Variants in NEB observed in about 807,000 individuals in gnomAD.
NEB encodes the protein nemaline myopathy type 2.
NEB carries 512 observed loss-of-function variants against 952.2 expected under a neutral mutation model. The ratio of observed to expected loss-of-function variants is 0.54; its 90% CI spans 0.50 to 0.58. NEB has a LOEUF of 0.58. NEB is among the 20% of genes least tolerant of loss of function. The pLI is 0.00. For synonymous variants in NEB, 2,900 were observed against 3,149.8 expected, an observed-to-expected ratio of 0.92 and a Z score of 2.66; for missense variants, 8,428 against 9,231.1, an observed-to-expected ratio of 0.91 and a Z score of 3.56.
At chr2:151,565,364 A>AC (rs1227383175) in intron 116 of NEB, 137 bp downstream of exon 116, 3 of 717,986 alleles carry the variant, frequency 4.2e-6, no homozygotes, top group Non-Finnish European at 7.3e-6. Flanking sequence ...TTTAAGACAT[A>AC]CCCCCCAAAG....
At chr2:151,699,897 G>C (rs1490889445) in intron 13 of NEB, among the ~76,000 whole-genome samples, 1 of 151,548 alleles carries the variant, frequency 6.6e-6, no homozygotes, top group African/African-American at 2.4e-5. Flanking sequence ...TTTGGCTTTT[G>C]TTGCCATTGC....
intron 107 of NEB, among the ~76,000 whole-genome samples, chr2:151,571,460 G>A (rs1273167271): frequency 2.0e-5 from 3 of 152,080 alleles, no homozygotes; most frequent in Non-Finnish European, 4.4e-5. Flanking sequence ...TTTCTTTAAT[G>A]CAATAATTCA....
chr2:151,666,719 G>GT (rs1463866506), intron 40 of NEB, among the ~76,000 whole-genome samples: 2 of 151,538 alleles, frequency 1.3e-5, no homozygotes, highest in Non-Finnish European at 2.9e-5. Context: ...TTGTTTTTTG[G>GT]TTTTTTTGTT....
At chr2:151,505,674 CAG>C (rs2068250237) in intron 164 of NEB, 104 bp from the exon 165 acceptor site, 4 of 948,782 alleles carry the variant, frequency 4.2e-6, no homozygotes, top group South Asian at 2.7e-5. Flanking sequence ...AAAAAATTAA[CAG>C]TGTAAATAAC....
rs763773151 is a variant in NEB, at chr2:151,733,097, CAG to C, written c.36+22_36+23del. 8 of 1,587,102 alleles carry C rather than the reference CAG, an allele frequency of 5.0e-6. No individual in the cohort carries two copies. In the African/African-American group the frequency reaches 1.1e-4, roughly 21 times the overall value. On this transcript the variant is annotated intron_variant, in intron 3 of 181. Coordinates refer to ENST00000397345, the MANE Select transcript of NEB (RefSeq NM_001164508.2). ...GTCACTACATAAAATAGTTTGCTGT[CAG>C]TGTTTTTTTTTTAAATCTTACCTCC...
intron 78 of NEB, 107 bp downstream of exon 78, chr2:151,612,079 G>A (rs2097997165): frequency 1.7e-6 from 2 of 1,197,112 alleles, no homozygotes; most frequent in South Asian, 2.8e-5. Context: ...ATGAGAATCA[G>A]GCCTATGACA....
chr2:151,623,378 C>T (rs993629764), intron 71 of NEB, among the ~76,000 whole-genome samples: 1 of 152,054 alleles, frequency 6.6e-6, no homozygotes, highest in African/African-American at 2.4e-5. Flanking sequence ...GTTCAGTGTA[C>T]TTTTCATTGC....
At position 151,727,639 on chromosome 2, in the gene NEB, A is replaced by C. The variant is rs4664499; in HGVS notation, c.294+52T>G. On this transcript the variant is annotated intron_variant, in intron 5 of 181. Transcript: ENST00000397345. ...CATCCAAAACAGAGTGAGTTGAGAT[A>C]AGTAATTTCTTAATAATCAAGCCAG... is the stretch of plus-strand genomic sequence containing the variant. The C allele has an allele frequency of 0.89, 1,364,022 of 1,524,654 alleles. 616,158 individuals carry two copies. Among genetic ancestry groups the C allele is most frequent in the Non-Finnish European group, 0.93 (1,030,477 of 1,108,740 alleles). The allele number at this position is 1,524,654 out of a possible 1,614,324, so 94.4% of individuals were successfully genotyped here. A position where few individuals can be genotyped will look rare whatever the true frequency, so the allele number is the denominator to read the frequency against.
chr2:151,621,139 C>A (rs986322790), intron 71 of NEB, 113 bp from the exon 72 acceptor site: 7 of 667,272 alleles, frequency 1.0e-5, no homozygotes, highest in Non-Finnish European at 1.5e-5. Flanking sequence ...TATGTTCAGC[C>A]TTAAATCAGA....
chr2:151,562,299 TG>T, intron 120 of NEB, 85 bp from the exon 121 acceptor site: 2 of 1,174,892 alleles, frequency 1.7e-6, no homozygotes, highest in Admixed American at 3.4e-5. Context: ...AGCTGTTGGC[TG>T]TGCTTATTGC....
At chr2:151,631,044 C>T (rs957994453) in intron 66 of NEB, 99 bp downstream of exon 66, 21 of 1,461,162 alleles carry the variant, frequency 1.4e-5, no homozygotes, top group East Asian at 2.3e-5. Flanking sequence ...GGTAAAAATG[C>T]GACCCCACGC....
chr2:151,727,959 C>T (rs2099796043), intron 4 of NEB, 53 bp from the exon 5 acceptor site: 3 of 1,391,178 alleles, frequency 2.2e-6, no homozygotes, highest in Non-Finnish European at 3.0e-6. Flanking sequence ...AACTGTGCTA[C>T]TGTGATCTTA....
rs576226396 is a variant in NEB, at chr2:151,664,567, T to A, written c.5385A>T (p.Gly1795=). 3 of 1,608,764 alleles carry A rather than the reference T, an allele frequency of 1.9e-6. No homozygotes were observed. In the Admixed American group the frequency reaches 5.0e-5, roughly 27 times the overall value. Residue 1795 remains glycine, a synonymous_variant, in exon 44 of 182, where the codon GGA becomes GGT. Transcript: ENST00000397345. ...CAATGGCATCAGGCCTCAGGTCATA[T>A]CCTTTCTTCTTTTCCTCTTCCCAGC... ...KAGWEEEKKK[G]YDLRPDAIAI...
chr2:151,646,001 G>A (rs1280086837), intron 55 of NEB, 129 bp downstream of exon 55: 3 of 681,700 alleles, frequency 4.4e-6, no homozygotes, highest in South Asian at 2.1e-5. Context: ...ACTAAATAAG[G>A]AATCTAAGTC....
At chr2:151,617,795 C>T (rs991040301) in intron 74 of NEB, among the ~76,000 whole-genome samples, 3 of 151,522 alleles carry the variant, frequency 2.0e-5, no homozygotes, top group African/African-American at 7.3e-5. Context: ...GGCACGGTGG[C>T]TTACACCTGT....
rs771989092 is a variant in NEB at position 151,551,781 on chromosome 2, A to G, written c.19901T>C (p.Val6634Ala). The change falls in exon 129 of 182, where the codon GTG becomes GCG. Residue 6634 changes from valine (V) to alanine (A), a missense_variant. This residue lies in a region of NEB where 3,374 missense variants were observed against 3,651.5 expected (regional missense o/e 0.92). Coordinates refer to ENST00000397345, the MANE Select transcript of NEB (RefSeq NM_001164508.2). Reference protein sequence around the residue: ...RGKVAPTTKTVDLDRALHAYK... With the variant: ...RGKVAPTTKTADLDRALHAYK... ...TGCATGAAGGGCCCGGTCCAGATCC[A>G]CGGTTTTGGTAGTTGGAGCCACTTT... is the stretch of plus-strand genomic sequence containing the variant. 7 of 1,613,622 alleles carry G rather than the reference A, an allele frequency of 4.3e-6. No homozygotes were observed. Among genetic ancestry groups the G allele is most frequent in the Non-Finnish European group, 5.1e-6 (6 of 1,179,700 alleles).
intron 107 of NEB, among the ~76,000 whole-genome samples, chr2:151,572,711 T>A (rs1400131761): frequency 6.6e-6 from 1 of 150,828 alleles, no homozygotes; most frequent in Non-Finnish European, 1.5e-5. Flanking sequence ...TATGCCTGGC[T>A]ATTTTTTGTA....
rs2154185810 is a variant in NEB, at chr2:151,669,132, C to T, written c.4507-1G>A. The T allele has an allele frequency of 4.5e-6, 7 of 1,556,976 alleles. No individual in the cohort carries two copies. Among genetic ancestry groups the T allele is most frequent in the Non-Finnish European group, 6.1e-6 (7 of 1,143,020 alleles). ...TCTCTCCCTCTACCTTGTAGTTCAA[C>T]TAAAAACAAAGGAGACAGCATGCAC... On this transcript the variant is annotated splice_acceptor_variant, in intron 38 of 181. Coordinates refer to ENST00000397345, the MANE Select transcript of NEB (RefSeq NM_001164508.2). LOFTEE classifies it high-confidence loss of function.
At chr2:151,637,465 A>C (rs2154094605) in intron 63 of NEB, among the ~76,000 whole-genome samples, 1 of 152,300 alleles carries the variant, frequency 6.6e-6, no homozygotes, top group African/African-American at 2.4e-5. Context: ...GTTGGTGTTT[A>C]ATTCTACAGA....
Sources: allele counts gnomAD v4.1 joint callset (sites outside exome capture counted in the v4.1 genomes callset), GRCh38; gene constraint gnomAD v4.1.1; regional missense constraint gnomAD v4.1.1; transcripts MANE v1.5; gene names NCBI Gene and HGNC (gene_info 2026-07-23, HGNC 2026-07-21).